Variants in CDH6 observed in about 807,000 individuals in gnomAD.
CDH6 encodes cadherin-6.
Under a neutral mutation model 78.0 loss-of-function variants are expected in CDH6, and 31 were observed. The observed-to-expected ratio is 0.40, with a 90% CI of 0.30 to 0.54. The LOEUF (loss-of-function observed/expected upper bound fraction) is 0.54, where lower values mean the gene tolerates loss of function less well. Among genes scored for constraint, CDH6 ranks in the 20% least tolerant of loss-of-function variants. The probability of loss-of-function intolerance (pLI) is 0.56; values close to 1 mark genes in which losing one functional copy is unlikely to be tolerated. For missense variants in CDH6, 724 were observed against 975.9 expected (o/e 0.74, Z 3.44); for synonymous variants, 376 against 368.8 (o/e 1.02, Z -0.23).
intron 2 of CDH6, among the ~76,000 whole-genome samples, chr5:31,277,746 T>G (rs1406232460): frequency 6.6e-6 from 1 of 152,164 alleles, no homozygotes; most frequent in African/African-American, 2.4e-5. Context: ...ATATACCCAG[T>G]AGTGCCTAGC....
At chr5:31,252,328 G>GGTGTGTGTGTGTGTGTGTGTGTGT (rs5867065) in intron 1 of CDH6, among the ~76,000 whole-genome samples, 3 of 149,030 alleles carry the variant, frequency 2.0e-5, no homozygotes, top group East Asian at 2.0e-4. Context: ...ATGTGTGTGT[G>GGTGTGTGTGTGTGTGTGTGTGTGT]GTGTGTGTGT....
At chr5:31,260,922 C>G (rs1057224847) in intron 1 of CDH6, among the ~76,000 whole-genome samples, 3 of 152,290 alleles carry the variant, frequency 2.0e-5, no homozygotes, top group South Asian at 2.1e-4. Flanking sequence ...TAAATTGGTT[C>G]TATCCTTATG....
intron 1 of CDH6, among the ~76,000 whole-genome samples, chr5:31,205,348 G>A (rs749603562): frequency 2.0e-5 from 3 of 152,174 alleles, no homozygotes; most frequent in Non-Finnish European, 2.9e-5. Flanking sequence ...TATCAGTGGT[G>A]TCCTGAGAGC....
At chr5:31,255,494 TTA>T (rs1742031744) in intron 1 of CDH6, among the ~76,000 whole-genome samples, 1 of 152,246 alleles carries the variant, frequency 6.6e-6, no homozygotes, top group Non-Finnish European at 1.5e-5. Flanking sequence ...GCGTGATATT[TTA>T]TGTGCAGTTT....
intron 3 of CDH6, among the ~76,000 whole-genome samples, chr5:31,295,243 G>A (rs982172818): frequency 6.6e-6 from 1 of 152,166 alleles, no homozygotes; most frequent in Non-Finnish European, 1.5e-5. Context: ...CAAAGAGGGA[G>A]ATGACTGGAA....
chr5:31,195,238 C>T (rs886979352), intron 1 of CDH6, among the ~76,000 whole-genome samples: 2 of 152,104 alleles, frequency 1.3e-5, no homozygotes, highest in Non-Finnish European at 2.9e-5. Context: ...CTGTTGTGTA[C>T]ATATATGGCT....
At chr5:31,202,258 G>A (rs1020054132) in intron 1 of CDH6, among the ~76,000 whole-genome samples, 9 of 152,050 alleles carry the variant, frequency 5.9e-5, no homozygotes, top group East Asian at 1.9e-4. Context: ...TGAGCTTATC[G>A]TATTTTTAAC....
intron 1 of CDH6, among the ~76,000 whole-genome samples, chr5:31,200,309 G>T (rs1740315480): frequency 6.6e-6 from 1 of 151,936 alleles, no homozygotes; most frequent in African/African-American, 2.4e-5. Context: ...AATGACACCT[G>T]TTCATTGCAT....
At position 31,316,235 on chromosome 5, in the gene CDH6, C is replaced by T. The variant is rs372070312; in HGVS notation, c.1418C>T (p.Pro473Leu). The T allele has an allele frequency of 4.3e-6, 7 of 1,612,408 alleles. No homozygotes were observed. The highest frequency in any genetic ancestry group is 5.9e-6 in the Non-Finnish European group (7 of 1,179,272). ...AATCCAAAGCAAAGTAGTCGAGTAC[C>T]TCTATATATTAAAGTTCTAGATGTC... is the stretch of plus-strand genomic sequence containing the variant. Reference protein sequence around the residue: ...INNPKQSSRVPLYIKVLDVND... With the variant: ...INNPKQSSRVLLYIKVLDVND... The change falls in exon 9 of 12, where the codon CCT becomes CTT. Residue 473 changes from proline to leucine, a missense_variant. Physicochemically the swap from Pro to Leu is moderately conservative, Grantham distance 98 (BLOSUM62 -3). Around this residue, in one of 3 missense-constraint regions of CDH6, gnomAD observed 446 missense variants for 684.5 expected, o/e 0.65. Transcript: ENST00000265071.
intron 1 of CDH6, among the ~76,000 whole-genome samples, chr5:31,220,409 T>C (rs1740974493): frequency 6.6e-6 from 1 of 152,238 alleles, no homozygotes; most frequent in East Asian, 1.9e-4. Flanking sequence ...TAGTATCTGA[T>C]ACTCTTAGAG....
intron 2 of CDH6, among the ~76,000 whole-genome samples, chr5:31,271,796 T>C (rs1742538101): frequency 6.6e-6 from 1 of 152,142 alleles, no homozygotes; most frequent in African/African-American, 2.4e-5. Flanking sequence ...ACCTCCAATC[T>C]GAATGAATCA....
chr5:31,281,048 T>A (rs1742850044), intron 2 of CDH6, among the ~76,000 whole-genome samples: 1 of 152,106 alleles, frequency 6.6e-6, no homozygotes, highest in Non-Finnish European at 1.5e-5. Flanking sequence ...GAGTTATGAA[T>A]TCAAGTAAAA....
intron 1 of CDH6, among the ~76,000 whole-genome samples, chr5:31,196,079 C>T (rs139184245): frequency 1.3e-5 from 2 of 152,302 alleles, no homozygotes; most frequent in African/African-American, 4.8e-5. Context: ...GCTAACTCTG[C>T]AAAGATAATA....
intron 7 of CDH6, among the ~76,000 whole-genome samples, chr5:31,310,918 G>T (rs1280962450): frequency 6.6e-6 from 1 of 152,176 alleles, no homozygotes; most frequent in Non-Finnish European, 1.5e-5. Flanking sequence ...TATGCCTCTG[G>T]GCCTGTGAGG....
intron 1 of CDH6, among the ~76,000 whole-genome samples, chr5:31,226,908 TTG>T (rs1741168125): frequency 6.6e-6 from 1 of 152,176 alleles, no homozygotes; most frequent in African/African-American, 2.4e-5. Context: ...TTGAAGTATG[TTG>T]TGTTTCTCAG....
intron 3 of CDH6, among the ~76,000 whole-genome samples, chr5:31,296,228 T>A (rs1425121927): frequency 6.6e-6 from 1 of 152,150 alleles, no homozygotes. Context: ...GGTTATCTGA[T>A]ACAAATAACA....
chr5:31,286,723 A>C (rs1212610780), intron 2 of CDH6, among the ~76,000 whole-genome samples: 1 of 152,170 alleles, frequency 6.6e-6, no homozygotes, highest in African/African-American at 2.4e-5. Context: ...TGTTGTTCTT[A>C]AGTTGATCTA....
chr5:31,260,535 A>T (rs1400075179), intron 1 of CDH6, among the ~76,000 whole-genome samples: 1 of 152,202 alleles, frequency 6.6e-6, no homozygotes, highest in Non-Finnish European at 1.5e-5. Flanking sequence ...ATGCCATTTT[A>T]TGTGCTGTAA....
intron 1 of CDH6, among the ~76,000 whole-genome samples, chr5:31,248,566 C>T (rs545618336): frequency 5.9e-5 from 9 of 152,132 alleles, no homozygotes; most frequent in Non-Finnish European, 7.3e-5. Flanking sequence ...CTTGAGACTT[C>T]GGGTTAACAC....
Sources: gnomAD v4.1 joint callset for allele counts (sites outside exome capture counted in the v4.1 genomes callset) on GRCh38, gnomAD v4.1.1 for gene constraint, gnomAD v4.1.1 regional missense constraint, MANE v1.5 for transcripts, NCBI Gene and HGNC (gene_info 2026-07-23, HGNC 2026-07-21) for gene names.